The following FREM3 variants were observed in gnomAD, a reference collection of about 807,000 sequenced individuals.
FREM3 encodes the protein FRAS1 related extracellular matrix 3.
Under a neutral mutation model 129.1 loss-of-function variants are expected in FREM3, and 105 were observed. The observed-to-expected ratio is 0.81, with a 90% CI of 0.69 to 0.96. The LOEUF is 0.96. Ranked by LOEUF, FREM3 falls within the 40% of genes least tolerant of loss-of-function variation. The pLI is 0.00. For synonymous variants in FREM3, 1,014 were observed against 1,044.9 expected (o/e 0.97, Z 0.57); for missense variants, 2,593 against 2,666.3 (o/e 0.97, Z 0.61).
At chr4:143,659,362 G>A in intron 2 of FREM3, among the ~76,000 whole-genome samples, 1 of 151,776 alleles carries the variant, frequency 6.6e-6, no homozygotes, top group East Asian at 1.9e-4. Flanking sequence ...TTGTCCTTGT[G>A]ATAGTTTACT....
chr4:143,692,693 G>T (rs1020933526), intron 2 of FREM3, among the ~76,000 whole-genome samples: 1 of 152,112 alleles, frequency 6.6e-6, no homozygotes, highest in Admixed American at 6.6e-5. Flanking sequence ...TCAAGTCTAA[G>T]ATCAGGGAGC....
In FREM3 at chr4:143,585,748, C is replaced by G. The variant is rs920374804; in HGVS notation, c.6178+96G>C. ...GCCAGAGAAACTTTCATTCAGAGTC[C>G]ATCAACAAAGACTAAGCATGCTTAC... On this transcript the variant is annotated intron_variant, in intron 7 of 7. Coordinates refer to ENST00000329798, the MANE Select transcript of FREM3 (RefSeq NM_001168235.2). The surrounding 1 kb of genome is among the most constrained non-coding windows in gnomAD (Gnocchi z 4.2). 2 of 1,239,428 alleles carry G rather than the reference C, an allele frequency of 1.6e-6. No homozygotes were observed. Among genetic ancestry groups the G allele is most frequent in the Admixed American group, 2.5e-5 (1 of 39,252 alleles). The allele number at this position is 1,239,428 out of a possible 1,614,324, so 76.8% of individuals were successfully genotyped here. A position where few individuals can be genotyped will look rare whatever the true frequency, so the allele number is the denominator to read the frequency against.
At chr4:143,664,563 T>C (rs1739814219) in intron 2 of FREM3, among the ~76,000 whole-genome samples, 2 of 152,170 alleles carry the variant, frequency 1.3e-5, no homozygotes, top group African/African-American at 4.8e-5. Flanking sequence ...GGAGGCAGTC[T>C]GCCCGTTCTC....
At chr4:143,655,230 G>A (rs1335114115) in intron 2 of FREM3, among the ~76,000 whole-genome samples, 3 of 152,178 alleles carry the variant, frequency 2.0e-5, no homozygotes, top group African/African-American at 2.4e-5. Context: ...AATTGAAGCT[G>A]TAAAGGCAAA....
At chr4:143,691,236 T>C (rs984130016) in intron 2 of FREM3, among the ~76,000 whole-genome samples, 4 of 152,210 alleles carry the variant, frequency 2.6e-5, no homozygotes, top group African/African-American at 9.6e-5. Context: ...TGCTTCTTTA[T>C]CAGGTTAAGA....
intron 2 of FREM3, among the ~76,000 whole-genome samples, chr4:143,672,759 A>G (rs890070933): frequency 6.6e-6 from 1 of 152,216 alleles, no homozygotes; most frequent in Non-Finnish European, 1.5e-5. Flanking sequence ...CTTTTCACAT[A>G]GTCCCATATT....
chr4:143,654,647 T>C (rs1739568138), intron 2 of FREM3, among the ~76,000 whole-genome samples: 1 of 152,220 alleles, frequency 6.6e-6, no homozygotes, highest in African/African-American at 2.4e-5. Context: ...CTGCACTTGT[T>C]TTCCACTAAA....
intron 6 of FREM3, among the ~76,000 whole-genome samples, chr4:143,597,109 A>C (rs971825148): frequency 2.6e-5 from 4 of 152,116 alleles, no homozygotes; most frequent in African/African-American, 9.7e-5. Context: ...CAGGAGCCCC[A>C]AAAAGAGACC....
intron 2 of FREM3, among the ~76,000 whole-genome samples, chr4:143,637,881 G>C (rs1284305962): frequency 1.3e-5 from 2 of 152,100 alleles, no homozygotes; most frequent in African/African-American, 4.8e-5. Flanking sequence ...GGTGGTGGAG[G>C]GAGAGGTCTT....
chr4:143,642,101 T>A (rs1447833018), intron 2 of FREM3, among the ~76,000 whole-genome samples: 2 of 152,126 alleles, frequency 1.3e-5, no homozygotes, highest in East Asian at 3.8e-4. Flanking sequence ...CCCCAAAAGG[T>A]GAAAGACCTC....
chr4:143,677,429 C>A (rs190560631), intron 2 of FREM3, among the ~76,000 whole-genome samples: 129 of 152,240 alleles, frequency 8.5e-4, no homozygotes, highest in African/African-American at 3.1e-3. Context: ...AAACCAAAAG[C>A]CATAAAAACC....
At position 143,631,699 on chromosome 4, in the gene FREM3, G is replaced by C. The variant is rs544029185; in HGVS notation, c.5276-3939C>G. On this transcript the variant is annotated intron_variant, in intron 2 of 7. Transcript: ENST00000329798. Reference sequence around the variant, plus strand: ...AGTAGAAAGGAAGACTTCCTGGGATGACTGGGCTGGGAGAGATGGGTAGAA... The same window carrying C: ...AGTAGAAAGGAAGACTTCCTGGGATCACTGGGCTGGGAGAGATGGGTAGAA... 7.2e-5 allele frequency among the ~76,000 whole-genome samples: 11 copies of C among 152,230 alleles called. No individual in the cohort carries two copies. In the South Asian group the frequency reaches 2.1e-3, roughly 29 times the overall value.
At chr4:143,617,724 G>A (rs1032236446) in intron 5 of FREM3, among the ~76,000 whole-genome samples, 1 of 152,030 alleles carries the variant, frequency 6.6e-6, no homozygotes, top group Non-Finnish European at 1.5e-5. Flanking sequence ...AAACAAGCTA[G>A]GTGAGGTACT....
At chr4:143,648,704 T>G (rs1474487047) in intron 2 of FREM3, among the ~76,000 whole-genome samples, 1 of 152,368 alleles carries the variant, frequency 6.6e-6, no homozygotes, top group East Asian at 1.9e-4. Flanking sequence ...CCTGTGGAAC[T>G]GTGAATCAAT....
intron 2 of FREM3, among the ~76,000 whole-genome samples, chr4:143,672,719 T>A (rs1313057803): frequency 6.6e-6 from 1 of 152,238 alleles, no homozygotes; most frequent in African/African-American, 2.4e-5. Context: ...CCCGTCACTT[T>A]CAGGTACACC....
chr4:143,649,609 T>C (rs1281290719), intron 2 of FREM3, among the ~76,000 whole-genome samples: 4 of 152,192 alleles, frequency 2.6e-5, no homozygotes, highest in African/African-American at 7.2e-5. Flanking sequence ...GAGTTGAAGA[T>C]ATTCATGGCT....
chr4:143,671,716 C>G (rs1295835572), intron 2 of FREM3, among the ~76,000 whole-genome samples: 4 of 152,082 alleles, frequency 2.6e-5, no homozygotes, highest in African/African-American at 9.7e-5. Flanking sequence ...ACTTTTGACT[C>G]AATATCTAAA....
chr4:143,698,438 T>C lies in FREM3; in HGVS notation c.2238A>G (p.Thr746=). The C allele has an allele frequency of 6.5e-7, 1 of 1,537,628 alleles. No homozygotes were observed. The highest frequency in any genetic ancestry group is 2.4e-5 in the East Asian group (1 of 40,908). The change falls in exon 1 of 8, where the codon ACA becomes ACG. Residue 746 remains threonine (T), a synonymous_variant. Transcript: ENST00000329798. ...GGTTGCCATCTGTGTCAGTCGGGAG[T>C]GTCAGTAGGGTGTACCATAGGTTCT... ...DDQNLWYTLL[T]LPTDTDGNHQ...
chr4:143,615,511 AG>A (rs1435306220), intron 5 of FREM3, among the ~76,000 whole-genome samples: 1 of 152,100 alleles, frequency 6.6e-6, no homozygotes, highest in Non-Finnish European at 1.5e-5. Flanking sequence ...AGAGAGGAGG[AG>A]GGTAGCAAAG....
Sources: allele counts gnomAD v4.1 joint callset (sites outside exome capture counted in the v4.1 genomes callset), GRCh38; gene constraint gnomAD v4.1.1; non-coding constraint Gnocchi (gnomAD v3.1); transcripts MANE v1.5; gene names NCBI Gene and HGNC (gene_info 2026-07-23, HGNC 2026-07-21).